OTOGL: variants seen among roughly 807,000 people sequenced by gnomAD.
The protein encoded by OTOGL is otogelin-like protein.
A neutral mutation model predicts 318.5 loss-of-function variants in OTOGL; 285 were observed. The observed-to-expected ratio is 0.89, with a 90% CI of 0.81 to 0.99. The LOEUF (loss-of-function observed/expected upper bound fraction) is 0.99, where lower values mean the gene tolerates loss of function less well. Among genes scored for constraint, OTOGL ranks in the 50% least tolerant of loss-of-function variants. OTOGL has a pLI of 0.00. For synonymous variants in OTOGL, 987 were observed against 936.5 expected (o/e 1.05, Z -0.99); for missense variants, 2,899 against 2,845.6 (o/e 1.02, Z -0.43).
At chr12:80,131,111 C>CCG in intron 1 of OTOGL, 1 of 152,188 alleles carries the variant, frequency 6.6e-6, no homozygotes, top group Non-Finnish European at 1.5e-5. Context: ...GGAGGCACAG[C>CCG]AAGTCTCACG....
chr12:80,178,487 T>C (rs1383009328), intron 1 of OTOGL, among the ~76,000 whole-genome samples: 1 of 152,204 alleles, frequency 6.6e-6, no homozygotes, highest in Non-Finnish European at 1.5e-5. Flanking sequence ...TTTCTGTAGT[T>C]CTCTATTTTT....
At chr12:80,362,067 C>G (rs947285684) in intron 52 of OTOGL, among the ~76,000 whole-genome samples, 8 of 152,104 alleles carry the variant, frequency 5.3e-5, no homozygotes, top group African/African-American at 1.9e-4. Context: ...GACCAATATC[C>G]TGGAGCTTTT....
chr12:80,172,762 C>T (rs568585040), intron 1 of OTOGL, among the ~76,000 whole-genome samples: 1 of 152,278 alleles, frequency 6.6e-6, no homozygotes, highest in Admixed American at 6.5e-5. Context: ...GCAGCCTCTG[C>T]CTCTTGGGTT....
chr12:80,373,290 G>C (rs1171054792), intron 57 of OTOGL, among the ~76,000 whole-genome samples: 1 of 152,034 alleles, frequency 6.6e-6, no homozygotes, highest in East Asian at 1.9e-4. Flanking sequence ...AAATTAGCTG[G>C]ACATAGCAGC....
At chr12:80,230,180 T>C (rs1879238584) in intron 8 of OTOGL, among the ~76,000 whole-genome samples, 1 of 152,190 alleles carries the variant, frequency 6.6e-6, no homozygotes, top group African/African-American at 2.4e-5. Flanking sequence ...AGGAATTCTT[T>C]CCAGCGCAAT....
At chr12:80,258,497 T>C (rs1481719757) in intron 18 of OTOGL, among the ~76,000 whole-genome samples, 2 of 152,178 alleles carry the variant, frequency 1.3e-5, no homozygotes, top group African/African-American at 2.4e-5. Flanking sequence ...TCTTGCTAGA[T>C]ACTGTGATTG....
chr12:80,160,230 G>A (rs1223075038), intron 1 of OTOGL, among the ~76,000 whole-genome samples: 1 of 151,532 alleles, frequency 6.6e-6, no homozygotes, highest in East Asian at 1.9e-4. Context: ...TGCAACAAAA[G>A]TAAATAGGTG....
chr12:80,184,314 G>C (rs1211185839), intron 1 of OTOGL, among the ~76,000 whole-genome samples: 1 of 152,136 alleles, frequency 6.6e-6, no homozygotes, highest in African/African-American at 2.4e-5. Context: ...GACACTTTTA[G>C]TGTTAACACA....
intron 1 of OTOGL, among the ~76,000 whole-genome samples, chr12:80,167,110 C>A (rs1359492707): frequency 6.6e-6 from 1 of 151,950 alleles, no homozygotes; most frequent in African/African-American, 2.4e-5. Flanking sequence ...TTTGGCATCC[C>A]TTTAAACTTT....
At chr12:80,124,164 G>A (rs1481237653) in intron 1 of OTOGL, among the ~76,000 whole-genome samples, 2 of 152,134 alleles carry the variant, frequency 1.3e-5, no homozygotes, top group African/African-American at 2.4e-5. Flanking sequence ...GGTTTTTATG[G>A]TTTTATGTCT....
In OTOGL at chr12:80,367,299, A is replaced by G. The variant is rs561496162; in HGVS notation, c.6332-262A>G. On this transcript the variant is annotated intron_variant, in intron 53 of 58. Transcript: ENST00000547103. Reference sequence around the variant, plus strand: ...CAAGAGCTCATATTCTAAACTTGCTATAAAGTATAGCTTTTGGAGGAAGTT... The same window carrying G: ...CAAGAGCTCATATTCTAAACTTGCTGTAAAGTATAGCTTTTGGAGGAAGTT... Among the ~76,000 whole-genome samples the G allele has an allele frequency of 3.3e-5, 5 of 152,202 alleles. No individual in the cohort carries two copies. The South Asian group carries it at 6.2e-4, about 19-fold the overall frequency.
intron 1 of OTOGL, among the ~76,000 whole-genome samples, chr12:80,125,305 T>C (rs1870754254): frequency 6.6e-6 from 1 of 152,222 alleles, no homozygotes; most frequent in Admixed American, 6.5e-5. Context: ...TCATGTGGCT[T>C]TTGTCATTGG....
chr12:80,358,672 A>G lies in OTOGL; in HGVS notation c.6123A>G (p.Val2041=), dbSNP rs1209826716. The part of the protein sequence containing the change: ...THFCCPQYYC[V]CEPNLCPMPL... ...TACCCATGTAATTTTTCTTTTTAGTATGTGAACCAAACCTTTGTCCTATGC... is the reference window on the plus strand; with the variant it reads ...TACCCATGTAATTTTTCTTTTTAGTGTGTGAACCAAACCTTTGTCCTATGC... Residue 2041 remains valine (V), a splice_region_variant and synonymous_variant, in exon 51 of 59, where the codon GTA becomes GTG. Transcript: ENST00000547103. 5.6e-6 allele frequency: 9 copies of G among 1,604,820 alleles called. No homozygotes were observed. Among genetic ancestry groups the G allele is most frequent in the Non-Finnish European group, 7.7e-6 (9 of 1,174,324 alleles).
At chr12:80,296,318 A>G (rs1885391992) in intron 26 of OTOGL, among the ~76,000 whole-genome samples, 1 of 152,212 alleles carries the variant, frequency 6.6e-6, no homozygotes, top group African/African-American at 2.4e-5. Context: ...TGAGAACTAA[A>G]TTGGATAATA....
intron 1 of OTOGL, among the ~76,000 whole-genome samples, chr12:80,167,177 C>T (rs1873882758): frequency 2.0e-5 from 3 of 151,990 alleles, no homozygotes; most frequent in South Asian, 4.2e-4. Context: ...GGAACAGTCA[C>T]GGAGTTGGAA....
rs79398192 is a variant in OTOGL, at chr12:80,375,079, C to T, written c.6782-2044C>T. ...AATAACAAGCCACTTCAGTTTCTCT[C>T]ATCTGACGTGAAAGGACTCGTAATG... On this transcript the variant is annotated intron_variant, in intron 57 of 58. Transcript: ENST00000547103. 1.2e-3 allele frequency among the ~76,000 whole-genome samples: 183 copies of T among 152,264 alleles called. 1 individual carries two copies. The highest frequency in any genetic ancestry group is 4.2e-3 in the African/African-American group (174 of 41,556).
intron 1 of OTOGL, among the ~76,000 whole-genome samples, chr12:80,147,877 C>T (rs937489018): frequency 3.3e-5 from 5 of 151,966 alleles, no homozygotes; most frequent in African/African-American, 9.7e-5. Flanking sequence ...AGGATTGCAA[C>T]CCCTGCCTTT....
chr12:80,285,518 T>C (rs1288688363), intron 26 of OTOGL, among the ~76,000 whole-genome samples: 1 of 152,146 alleles, frequency 6.6e-6, no homozygotes, highest in Non-Finnish European at 1.5e-5. Flanking sequence ...GAGCATAGAA[T>C]CTTTTTTCCA....
intron 1 of OTOGL, among the ~76,000 whole-genome samples, chr12:80,125,909 A>G (rs1416214185): frequency 3.3e-5 from 5 of 151,526 alleles, no homozygotes; most frequent in Non-Finnish European, 5.9e-5. Flanking sequence ...TTTTTATTAC[A>G]TCTATTTGAT....
Sources: allele counts gnomAD v4.1 joint callset (sites outside exome capture counted in the v4.1 genomes callset), GRCh38; gene constraint gnomAD v4.1.1; transcripts MANE v1.5; gene names NCBI Gene and HGNC (gene_info 2026-07-23, HGNC 2026-07-21).